Variants in ZC3H4 observed in about 807,000 individuals in gnomAD.
ZC3H4 encodes the protein zinc finger CCCH-type containing 4.
In ZC3H4, 13 loss-of-function variants were observed where a neutral mutation model predicts 108.3. The observed-to-expected ratio is 0.12, with a 90% CI of 0.08 to 0.19. The LOEUF (loss-of-function observed/expected upper bound fraction) is 0.19, where lower values mean the gene tolerates loss of function less well. ZC3H4 is among the 10% of genes least tolerant of loss of function. The probability of loss-of-function intolerance (pLI) is 1.00; values close to 1 mark genes in which losing one functional copy is unlikely to be tolerated. For missense variants in ZC3H4, 1,734 were observed against 1,838.8 expected (o/e 0.94, Z 1.04); for synonymous variants, 917 against 749.6 (o/e 1.22, Z -3.65).
Position 47,087,110 on chromosome 19 carries a change from T to C in ZC3H4, c.716-572A>G, listed in dbSNP as rs1378900042. 2.0e-5 allele frequency among the ~76,000 whole-genome samples: 3 copies of C among 151,978 alleles called. No homozygotes were observed. In the East Asian group the frequency reaches 5.8e-4, roughly 29 times the overall value. ...GGCCAACATGGTGAAATCTTGTTTCTACTAAAAATAGAAAAATTAGCCAGG... is the reference window on the plus strand; with the variant it reads ...GGCCAACATGGTGAAATCTTGTTTCCACTAAAAATAGAAAAATTAGCCAGG... On this transcript the variant is annotated intron_variant, in intron 5 of 14. Transcript: ENST00000253048.
At chr19:47,088,926 G>A (rs560408272) in intron 5 of ZC3H4, among the ~76,000 whole-genome samples, 1 of 151,676 alleles carries the variant, frequency 6.6e-6, no homozygotes, top group Non-Finnish European at 1.5e-5. Flanking sequence ...AGAACCAATG[G>A]GCCGGGCGCG....
chr19:47,103,973 A>G (rs558858212), intron 2 of ZC3H4, among the ~76,000 whole-genome samples: 35 of 151,804 alleles, frequency 2.3e-4, no homozygotes, highest in African/African-American at 8.5e-4. Flanking sequence ...AAATAAACAA[A>G]TAAATAAGAG....
rs755303820 is a variant in ZC3H4 at position 47,066,574 on chromosome 19, T to C, written c.3694A>G (p.Thr1232Ala). Reference protein sequence around the residue: ...RPKAAAAPAATTATPPPEGAP... With the variant: ...RPKAAAAPAAATATPPPEGAP... ...CCCTCGGGGGGTGGGGTGGCGGTGG[T>C]GGCAGCGGGGGCTGCAGCAGCCTTG... Residue 1232 changes from threonine to alanine, a missense_variant, in exon 15 of 15, where the codon ACC becomes GCC. By Grantham distance (58) the Thr-to-Ala change is moderately conservative (BLOSUM62 0). Transcript: ENST00000253048. 4 of 1,586,098 alleles carry C rather than the reference T, an allele frequency of 2.5e-6. No individual in the cohort carries two copies. The highest frequency in any genetic ancestry group is 3.4e-6 in the Non-Finnish European group (4 of 1,165,724).
In ZC3H4 at chr19:47,094,354, C is replaced by T. The variant is rs765673703; in HGVS notation, c.381+35G>A. On this transcript the variant is annotated intron_variant, in intron 3 of 14. Coordinates refer to ENST00000253048, the MANE Select transcript of ZC3H4 (RefSeq NM_015168.2). ...TGGGGCTCTCAGCCAGGCCCAATGC[C>T]AGGCAGTGGCAGTCCCAGGGGATCT... The T allele has an allele frequency of 5.6e-6, 9 of 1,610,506 alleles. No individual in the cohort carries two copies. The Admixed American group carries it at 6.7e-5, about 12-fold the overall frequency.
Position 47,112,459 on chromosome 19 carries a change from G to A in ZC3H4, c.126C>T (p.His42=). Reference sequence around the variant, plus strand: ...GGAGCGGGAGGCGGTGGTGGAGGAGGTGCGGGGTGGCCGGGCGGGCGTCGG... The same window carrying A: ...GGAGCGGGAGGCGGTGGTGGAGGAGATGCGGGGTGGCCGGGCGGGCGTCGG... ...CSPDARPATP[H]LLHHRLPLPD... Residue 42 remains histidine (H), a synonymous_variant, in exon 2 of 15, where the codon CAC becomes CAT. Coordinates refer to ENST00000253048, the MANE Select transcript of ZC3H4 (RefSeq NM_015168.2). 8.1e-7 allele frequency: 1 copy of A among 1,230,390 alleles called. No individual in the cohort carries two copies. Among genetic ancestry groups the A allele is most frequent in the Non-Finnish European group, 1.0e-6 (1 of 980,234 alleles). 76.2% of individuals were successfully genotyped at this position (1,230,390 alleles called of 1,614,324 possible). A position where few individuals can be genotyped will look rare whatever the true frequency, so the allele number is the denominator to read the frequency against.
chr19:47,103,816 C>T (rs1375466599), intron 2 of ZC3H4, among the ~76,000 whole-genome samples: 8 of 150,542 alleles, frequency 5.3e-5, no homozygotes, highest in African/African-American at 1.7e-4. Flanking sequence ...TGGTGGCAGG[C>T]GCCTGTAGTC....
chr19:47,086,285 T>C, intron 6 of ZC3H4, 99 bp downstream of exon 6: 2 of 1,415,268 alleles, frequency 1.4e-6, no homozygotes, highest in Middle Eastern at 1.8e-4. Flanking sequence ...GGGCCGTATG[T>C]CTTCCTACCT....
At chr19:47,094,839 A>G (rs577762755) in intron 2 of ZC3H4, among the ~76,000 whole-genome samples, 28 of 152,316 alleles carry the variant, frequency 1.8e-4, no homozygotes, top group African/African-American at 6.7e-4. Context: ...GTTTAAGGGC[A>G]TTACCACTAA....
chr19:47,091,989 A>G (rs951318191), intron 4 of ZC3H4, among the ~76,000 whole-genome samples: 1 of 151,954 alleles, frequency 6.6e-6, no homozygotes, highest in Non-Finnish European at 1.5e-5. Context: ...TGGGCAGATC[A>G]TTTGACCCCA....
Position 47,066,496 on chromosome 19 carries a change from T to A in ZC3H4, c.3772A>T (p.Thr1258Ser). 1 of 1,578,050 alleles carries A rather than the reference T, an allele frequency of 6.3e-7. No individual in the cohort carries two copies. Among genetic ancestry groups the A allele is most frequent in the Non-Finnish European group, 8.6e-7 (1 of 1,161,050 alleles). ...CCCGTCTTGGGTGTCTGCTTCACCG[T>A]CCCGAAGAGGGTGGGCACGGGCAGG... is the stretch of plus-strand genomic sequence containing the variant. ...HNLPVPTLFG[T>S]VKQTPKTGSG... The change falls in exon 15 of 15, where the codon ACG (threonine) becomes TCG (serine). Residue 1258 changes from threonine (T) to serine (S), a missense_variant. Around this residue, in one of 9 missense-constraint regions of ZC3H4, gnomAD observed 518 missense variants for 499.6 expected, o/e 1.04. Transcript: ENST00000253048.
At position 47,085,434 on chromosome 19, in the gene ZC3H4, G is replaced by C. The variant is rs770710483; in HGVS notation, c.871-20C>G. ...TCCATACTGGAATGCGCAGAGGAGA[G>C]GGCAGGAGAGCGTCAGGTAGGGAAC... is the stretch of plus-strand genomic sequence containing the variant. On this transcript the variant is annotated intron_variant, in intron 6 of 14. Coordinates refer to ENST00000253048, the MANE Select transcript of ZC3H4 (RefSeq NM_015168.2). 6.5e-7 allele frequency: 1 copy of C among 1,546,170 alleles called. No individual in the cohort carries two copies. The highest frequency in any genetic ancestry group is 2.3e-5 in the East Asian group (1 of 44,418).
At chr19:47,078,206 G>A (rs142760447) in intron 11 of ZC3H4, among the ~76,000 whole-genome samples, 43 of 152,038 alleles carry the variant, frequency 2.8e-4, no homozygotes, top group East Asian at 1.2e-3. Flanking sequence ...TATGTTTGGC[G>A]ATAAATGAGA....
chr19:47,099,267 C>A (rs1187861796), intron 2 of ZC3H4, among the ~76,000 whole-genome samples: 1 of 152,106 alleles, frequency 6.6e-6, no homozygotes, highest in Non-Finnish European at 1.5e-5. Flanking sequence ...CAAGACCAGC[C>A]TGACCAACAT....
intron 13 of ZC3H4, among the ~76,000 whole-genome samples, chr19:47,071,576 A>G (rs956683050): frequency 1.3e-5 from 2 of 152,142 alleles, no homozygotes; most frequent in Admixed American, 6.5e-5. Context: ...AATAACCTAT[A>G]TTGGTAATAC....
At chr19:47,097,865 T>C (rs2057847291) in intron 2 of ZC3H4, among the ~76,000 whole-genome samples, 1 of 152,168 alleles carries the variant, frequency 6.6e-6, no homozygotes, top group Non-Finnish European at 1.5e-5. Flanking sequence ...GAGCACTCTA[T>C]TCCCAGAGCC....
At position 47,085,331 on chromosome 19, in the gene ZC3H4, G is replaced by C; in HGVS notation, c.954C>G (p.Asp318Glu). Residue 318 changes from aspartate (D) to glutamate (E), a missense_variant, in exon 7 of 15, where the codon GAC (aspartate) becomes GAG (glutamate). Asp to Glu is a conservative substitution (Grantham distance 45). Coordinates refer to ENST00000253048, the MANE Select transcript of ZC3H4 (RefSeq NM_015168.2). Reference sequence around the variant, plus strand: ...GCCCCTGCCCACCTCGGCCTCGGCTGTCCTTGGAGCGGCGGTACTGGTTCA... The same window carrying C: ...GCCCCTGCCCACCTCGGCCTCGGCTCTCCTTGGAGCGGCGGTACTGGTTCA... ...KELNQYRRSK[D>E]SRGRGLSRGR... 1 of 1,600,532 alleles carries C rather than the reference G, an allele frequency of 6.2e-7. No individual in the cohort carries two copies. Among genetic ancestry groups the C allele is most frequent in the Non-Finnish European group, 8.5e-7 (1 of 1,174,052 alleles).
At position 47,090,133 on chromosome 19, in the gene ZC3H4, G is replaced by A; in HGVS notation, c.549C>T (p.Ser183=). 6.2e-7 allele frequency: 1 copy of A among 1,614,220 alleles called. No homozygotes were observed. The highest frequency in any genetic ancestry group is 8.5e-7 in the Non-Finnish European group (1 of 1,180,038). The change falls in exon 5 of 15, where the codon TCC becomes TCT. Residue 183 remains serine, a synonymous_variant. Transcript: ENST00000253048. ...HATPLPKKAY[S]KMDSKSYGMY... is the part of the protein sequence containing the mutation. ...TGCCATAACTCTTGCTGTCCATCTTGGAGTATGCCTTCTTGGGCAGGGGCG... is the reference window on the plus strand; with the variant it reads ...TGCCATAACTCTTGCTGTCCATCTTAGAGTATGCCTTCTTGGGCAGGGGCG...
At chr19:47,073,091 G>A (rs1178207113) in intron 11 of ZC3H4, among the ~76,000 whole-genome samples, 1 of 152,102 alleles carries the variant, frequency 6.6e-6, no homozygotes, top group Non-Finnish European at 1.5e-5. Flanking sequence ...TGGCCAACAT[G>A]GCAAAACCCC....
In ZC3H4 at chr19:47,101,970, G is replaced by A. The variant is rs373080103; in HGVS notation, c.162-7362C>T. On this transcript the variant is annotated intron_variant, in intron 2 of 14. Coordinates refer to ENST00000253048, the MANE Select transcript of ZC3H4 (RefSeq NM_015168.2). ...AATTGCTTGAACCCATGAGGTGGAG[G>A]TTGCAGTAAGCTGAGACCATGCCAT... is the stretch of plus-strand genomic sequence containing the variant. Among the ~76,000 whole-genome samples the A allele has an allele frequency of 3.9e-5, 6 of 152,292 alleles. 1 individual carries two copies. Among genetic ancestry groups the A allele is most frequent in the East Asian group, 1.9e-4 (1 of 5,186 alleles).
Sources: gnomAD v4.1 joint callset for allele counts (sites outside exome capture counted in the v4.1 genomes callset) on GRCh38, gnomAD v4.1.1 for gene constraint, gnomAD v4.1.1 regional missense constraint, MANE v1.5 for transcripts, NCBI Gene and HGNC (gene_info 2026-07-23, HGNC 2026-07-21) for gene names.